PPM1H: variants seen among roughly 807,000 people sequenced by gnomAD.
The protein encoded by PPM1H is protein phosphatase 1H.
Under a neutral mutation model 54.9 loss-of-function variants are expected in PPM1H, and 27 were observed. The observed-to-expected ratio is 0.49, with a 90% CI of 0.36 to 0.68. The LOEUF is 0.68. PPM1H is among the 30% of genes least tolerant of loss of function. The pLI is 0.00. For synonymous variants in PPM1H, 305 were observed against 270.8 expected, an observed-to-expected ratio of 1.13 and a Z score of -1.24; for missense variants, 596 against 667.8, an observed-to-expected ratio of 0.89 and a Z score of 1.19.
At chr12:62,864,581 T>C (rs1384941286) in intron 1 of PPM1H, among the ~76,000 whole-genome samples, 1 of 152,240 alleles carries the variant, frequency 6.6e-6, no homozygotes, top group African/African-American at 2.4e-5. Context: ...TACGTAGATA[T>C]ATGAAAACTT....
intron 2 of PPM1H, among the ~76,000 whole-genome samples, chr12:62,826,813 C>T (rs1190056095): frequency 1.3e-5 from 2 of 152,182 alleles, no homozygotes; most frequent in Admixed American, 6.5e-5. Flanking sequence ...TCCTTCATGC[C>T]TGTCAACTCT....
intron 1 of PPM1H, among the ~76,000 whole-genome samples, chr12:62,919,918 A>T (rs1363858888): frequency 6.8e-6 from 1 of 146,284 alleles, no homozygotes; most frequent in Non-Finnish European, 1.5e-5. Flanking sequence ...GGCTTCAAGT[A>T]TGGGGCCCAT....
Position 62,644,783 on chromosome 12 carries a change from C to T in PPM1H, c.*3706G>A, listed in dbSNP as rs772850961. On this transcript the variant is annotated 3_prime_UTR_variant, in exon 10 of 10. Coordinates refer to ENST00000228705, the MANE Select transcript of PPM1H (RefSeq NM_020700.2). Reference sequence around the variant, plus strand: ...TAAGTCTTCAAAAATCTGAGTTCCTCACATAAAATTCTGTGCTGTGGCCAG... The same window carrying T: ...TAAGTCTTCAAAAATCTGAGTTCCTTACATAAAATTCTGTGCTGTGGCCAG... The T allele has an allele frequency of 1.3e-5, 2 of 152,230 alleles. 1 individual carries two copies. The highest frequency in any genetic ancestry group is 2.9e-5 in the Non-Finnish European group (2 of 68,054). 9.4% of individuals were successfully genotyped at this position (152,230 alleles called of 1,614,324 possible).
At chr12:62,755,548 G>A (rs889654718) in intron 4 of PPM1H, 1 of 661,590 alleles carries the variant, frequency 1.5e-6, no homozygotes, top group Admixed American at 2.1e-5. Context: ...GGAGAAGGCT[G>A]GGACTCACTT....
intron 1 of PPM1H, among the ~76,000 whole-genome samples, chr12:62,917,029 A>G (rs1172150971): frequency 6.6e-6 from 1 of 152,208 alleles, no homozygotes; most frequent in Non-Finnish European, 1.5e-5. Flanking sequence ...TTGCACTGAC[A>G]TAGGTCACAA....
In PPM1H at chr12:62,723,687, A is replaced by C. The variant is rs578083152; in HGVS notation, c.955-3398T>G. Among the ~76,000 whole-genome samples the C allele has an allele frequency of 3.3e-5, 5 of 152,330 alleles. No individual in the cohort carries two copies. In the South Asian group the frequency reaches 6.2e-4, roughly 19 times the overall value. On this transcript the variant is annotated intron_variant, in intron 5 of 9. Coordinates refer to ENST00000228705, the MANE Select transcript of PPM1H (RefSeq NM_020700.2). ...ACTGTGATAAATTTTGTTCTTTATA[A>C]ATTACTCAGTTTGTAGTATTGTTAT... is the stretch of plus-strand genomic sequence containing the variant.
intron 1 of PPM1H, among the ~76,000 whole-genome samples, chr12:62,930,928 G>T (rs1013924905): frequency 7.2e-5 from 11 of 152,182 alleles, no homozygotes; most frequent in Non-Finnish European, 1.3e-4. Flanking sequence ...AGCTTTTCAA[G>T]AGCTGGGAAA....
intron 2 of PPM1H, among the ~76,000 whole-genome samples, chr12:62,824,407 G>C (rs1307800891): frequency 6.6e-6 from 1 of 152,152 alleles, no homozygotes; most frequent in Non-Finnish European, 1.5e-5. Context: ...CTACTTTAGA[G>C]TTCATATGGA....
chr12:62,880,611 T>C lies in PPM1H; in HGVS notation c.246-48332A>G, dbSNP rs562389520. 2.6e-5 allele frequency among the ~76,000 whole-genome samples: 4 copies of C among 152,354 alleles called. No individual in the cohort carries two copies. In the South Asian group the frequency reaches 8.3e-4, roughly 32 times the overall value. On this transcript the variant is annotated intron_variant, in intron 1 of 9. Coordinates refer to ENST00000228705, the MANE Select transcript of PPM1H (RefSeq NM_020700.2). ...CATTCTCCTTGTGTCTTCCTCTGACTGGGAATCAGCTGTAAAGCTGGCCTC... is the reference window on the plus strand; with the variant it reads ...CATTCTCCTTGTGTCTTCCTCTGACCGGGAATCAGCTGTAAAGCTGGCCTC...
intron 2 of PPM1H, among the ~76,000 whole-genome samples, chr12:62,810,431 C>T (rs1386456363): frequency 1.3e-5 from 2 of 152,162 alleles, no homozygotes; most frequent in Non-Finnish European, 1.5e-5. Flanking sequence ...TGCTGAGCCT[C>T]GTTCCTACAT....
chr12:62,933,125 T>C (rs995754684), intron 1 of PPM1H, among the ~76,000 whole-genome samples: 1 of 152,150 alleles, frequency 6.6e-6, no homozygotes, highest in Non-Finnish European at 1.5e-5. Flanking sequence ...TCATCTTTTA[T>C]GATGTGTTAA....
At chr12:62,888,562 A>G (rs654228) in intron 1 of PPM1H, among the ~76,000 whole-genome samples, 4,041 of 152,278 alleles carry the variant, frequency 0.027, 145 homozygotes, top group African/African-American at 0.078. Flanking sequence ...AGATGCCAAC[A>G]TAAGAAAAGG....
At chr12:62,751,908 G>A (rs1477887561) in intron 4 of PPM1H, among the ~76,000 whole-genome samples, 1 of 152,176 alleles carries the variant, frequency 6.6e-6, no homozygotes, top group African/African-American at 2.4e-5. Context: ...AGGTTATATG[G>A]GCTAGATGCT....
intron 1 of PPM1H, among the ~76,000 whole-genome samples, chr12:62,887,377 G>C (rs923798422): frequency 3.3e-5 from 5 of 152,214 alleles, no homozygotes; most frequent in Non-Finnish European, 7.3e-5. Flanking sequence ...GGACCTTGCT[G>C]CTCCTTAGGA....
At chr12:62,758,251 T>C (rs2076487295) in intron 4 of PPM1H, among the ~76,000 whole-genome samples, 1 of 152,218 alleles carries the variant, frequency 6.6e-6, no homozygotes, top group Non-Finnish European at 1.5e-5. Flanking sequence ...TGAATAATTC[T>C]TGGAAGCTAC....
intron 1 of PPM1H, among the ~76,000 whole-genome samples, chr12:62,927,923 G>C (rs1349151482): frequency 6.6e-6 from 1 of 151,940 alleles, no homozygotes; most frequent in Non-Finnish European, 1.5e-5. Context: ...TTCCTATAAT[G>C]AGTATCTCAT....
intron 1 of PPM1H, among the ~76,000 whole-genome samples, chr12:62,885,600 C>G (rs555060403): frequency 3.3e-5 from 5 of 152,320 alleles, no homozygotes; most frequent in South Asian, 4.1e-4. Context: ...AGGGCACACA[C>G]AGTAGAGGGC....
At chr12:62,760,282 C>T (rs2076500638) in intron 4 of PPM1H, among the ~76,000 whole-genome samples, 1 of 152,134 alleles carries the variant, frequency 6.6e-6, no homozygotes, top group African/African-American at 2.4e-5. Flanking sequence ...TCTCTGCTCC[C>T]AGTGAGACTC....
At chr12:62,860,486 G>T (rs991857603) in intron 1 of PPM1H, among the ~76,000 whole-genome samples, 1 of 152,188 alleles carries the variant, frequency 6.6e-6, no homozygotes, top group African/African-American at 2.4e-5. Flanking sequence ...CAGGCACAAA[G>T]CTCTATGTCA....
Sources: allele counts gnomAD v4.1 joint callset (sites outside exome capture counted in the v4.1 genomes callset), GRCh38; gene constraint gnomAD v4.1.1; transcripts MANE v1.5; gene names NCBI Gene and HGNC (gene_info 2026-07-23, HGNC 2026-07-21).